The following SETX variants were observed in gnomAD, a reference collection of about 807,000 sequenced individuals.
The protein encoded by SETX is helicase senataxin.
SETX carries 90 observed loss-of-function variants against 227.2 expected under a neutral mutation model. That is an observed-to-expected ratio of 0.40 (90% CI 0.33 to 0.47). The LOEUF (loss-of-function observed/expected upper bound fraction) is 0.47. SETX is among the 20% of genes least tolerant of loss of function. SETX has a pLI of 0.91. For missense variants in SETX, 3,052 were observed against 3,181.5 expected (o/e 0.96, Z 0.98); for synonymous variants, 1,210 against 1,113.2 (o/e 1.09, Z -1.73).
intron 6 of SETX, among the ~76,000 whole-genome samples, chr9:132,335,115 G>C (rs183110967): frequency 6.6e-6 from 1 of 152,070 alleles, no homozygotes; most frequent in Non-Finnish European, 1.5e-5. Flanking sequence ...TTGAGGCCGG[G>C]CGTGGTGGCT....
At chr9:132,348,352 G>T (rs1189062371) in intron 3 of SETX, among the ~76,000 whole-genome samples, 1 of 109,250 alleles carries the variant, frequency 9.2e-6, no homozygotes, top group African/African-American at 3.5e-5. Flanking sequence ...AAGAGAGTGA[G>T]ACTCTGTCTC....
chr9:132,333,910 CTT>C (rs974342227), intron 7 of SETX, among the ~76,000 whole-genome samples: 2 of 152,100 alleles, frequency 1.3e-5, no homozygotes, highest in Non-Finnish European at 2.9e-5. Flanking sequence ...TTTTAATTGA[CTT>C]AAATTTATTT....
At chr9:132,276,969 G>T in intron 22 of SETX, 91 bp downstream of exon 22, 2 of 1,087,972 alleles carry the variant, frequency 1.8e-6, no homozygotes, top group Non-Finnish European at 2.8e-6. Flanking sequence ...GCAGAGAGAT[G>T]TGTATAGGAA....
chr9:132,312,187 G>A (rs745835666), intron 10 of SETX, among the ~76,000 whole-genome samples: 4 of 152,156 alleles, frequency 2.6e-5, no homozygotes, highest in Admixed American at 2.0e-4. Flanking sequence ...AGTGCATAAC[G>A]TACTGCTGGA....
rs761031238 is a variant in SETX at position 132,296,900 on chromosome 9, C to G, written c.5936G>C (p.Arg1979Pro). 1 of 1,613,994 alleles carries G rather than the reference C, an allele frequency of 6.2e-7. No homozygotes were observed. The highest frequency in any genetic ancestry group is 1.7e-5 in the Admixed American group (1 of 60,012). ...KSKTIVGLLY[R>P]LLTENQRKGH... ...ACCCATACCTACCTCTGTCAGTAGA[C>G]GATAGAGGAGGCCAACAATAGTTTT... Residue 1979 changes from arginine to proline, a missense_variant, in exon 14 of 26, where the codon CGT becomes CCT. By Grantham distance (103) the Arg-to-Pro change is moderately radical. This residue lies in a region of SETX where 412 missense variants were observed against 589.0 expected (regional missense o/e 0.70). Coordinates refer to ENST00000224140, the MANE Select transcript of SETX (RefSeq NM_015046.7).
intron 4 of SETX, among the ~76,000 whole-genome samples, chr9:132,345,605 G>T (rs1412728350): frequency 6.6e-6 from 1 of 151,638 alleles, no homozygotes. Flanking sequence ...TGAACAAAGA[G>T]GTGAACAGAT....
At chr9:132,288,185 T>C (rs1437029491) in intron 17 of SETX, 51 bp downstream of exon 17, 3 of 1,452,612 alleles carry the variant, frequency 2.1e-6, no homozygotes, top group African/African-American at 2.8e-5. Context: ...CAAAAAAAAC[T>C]TGTTAACTAG....
intron 10 of SETX, among the ~76,000 whole-genome samples, chr9:132,321,388 A>G (rs1669934414): frequency 6.6e-6 from 1 of 151,668 alleles, no homozygotes; most frequent in East Asian, 1.9e-4. Flanking sequence ...TGGGCGCGGT[A>G]GCTCACACCT....
intron 4 of SETX, among the ~76,000 whole-genome samples, chr9:132,345,086 T>C (rs1848210595): frequency 6.6e-6 from 1 of 152,178 alleles, no homozygotes; most frequent in Non-Finnish European, 1.5e-5. Flanking sequence ...TATTCAGCAA[T>C]GTCTGGAGAC....
chr9:132,311,032 T>C (rs1845622917), intron 11 of SETX, among the ~76,000 whole-genome samples: 1 of 152,212 alleles, frequency 6.6e-6, no homozygotes, highest in Non-Finnish European at 1.5e-5. Flanking sequence ...AGTGGCGCTA[T>C]TTCGGCTCAC....
chr9:132,345,350 T>G (rs1393599194), intron 4 of SETX, among the ~76,000 whole-genome samples: 1 of 152,238 alleles, frequency 6.6e-6, no homozygotes, highest in East Asian at 1.9e-4. Context: ...CTTGGTTCAC[T>G]GCAACCTCCG....
chr9:132,353,389 A>G (rs1347255743), intron 2 of SETX, among the ~76,000 whole-genome samples: 2 of 152,140 alleles, frequency 1.3e-5, no homozygotes, highest in Admixed American at 6.5e-5. Context: ...AAAAAAAAGT[A>G]GAAAAGATCC....
At chr9:132,299,235 A>G in intron 12 of SETX, among the ~76,000 whole-genome samples, 1 of 152,254 alleles carries the variant, frequency 6.6e-6, no homozygotes, top group East Asian at 1.9e-4. Context: ...AAGATGGGAA[A>G]GAATGAAGGA....
rs1846840392 is a variant in SETX, at chr9:132,327,047, A to G, written c.4551T>C (p.Tyr1517=). 6.2e-7 allele frequency: 1 copy of G among 1,614,204 alleles called. No homozygotes were observed. Among genetic ancestry groups the G allele is most frequent in the East Asian group, 2.2e-5 (1 of 44,886 alleles). ...TTCCATGAATTAGTTCAATGAGTTTATAATTGTCATTCTCCATTTGTGAAC... is the reference window on the plus strand; with the variant it reads ...TTCCATGAATTAGTTCAATGAGTTTGTAATTGTCATTCTCCATTTGTGAAC... ...DLCSQMENDN[Y]KLIELIHGKD... Residue 1517 remains tyrosine (Y), a synonymous_variant, in exon 10 of 26, where the codon TAT becomes TAC. Transcript: ENST00000224140.
At chr9:132,270,899 A>G (rs1425488157) in intron 24 of SETX, among the ~76,000 whole-genome samples, 1 of 152,218 alleles carries the variant, frequency 6.6e-6, no homozygotes, top group Non-Finnish European at 1.5e-5. Context: ...TGACCCTGAG[A>G]TACAACTGGG....
intron 6 of SETX, 77 bp from the exon 7 acceptor site, chr9:132,334,804 A>G: frequency 6.6e-7 from 1 of 1,505,224 alleles, no homozygotes; most frequent in South Asian, 1.1e-5. Context: ...GCAAAAGAAT[A>G]ACAAGGCAGG....
chr9:132,303,355 A>T (rs1845132933), intron 11 of SETX, among the ~76,000 whole-genome samples: 1 of 151,628 alleles, frequency 6.6e-6, no homozygotes, highest in Non-Finnish European at 1.5e-5. Flanking sequence ...AAAAAAAAAA[A>T]ACCCTTAATC....
Position 132,342,933 on chromosome 9 carries a change from C to A in SETX, c.389-134G>T, listed in dbSNP as rs550856513. ...TTTTCCAAATTGAGGCATAAAAATG[C>A]TTATATTGTAAATGCAGGAACAATA... On this transcript the variant is annotated intron_variant, in intron 4 of 25. Coordinates refer to ENST00000224140, the MANE Select transcript of SETX (RefSeq NM_015046.7). The A allele has an allele frequency of 1.7e-5, 12 of 698,130 alleles. No individual in the cohort carries two copies. The East Asian group carries it at 3.2e-4, about 19-fold the overall frequency. 43.2% of individuals were successfully genotyped at this position (698,130 alleles called of 1,614,324 possible).
intron 7 of SETX, 79 bp downstream of exon 7, chr9:132,334,529 T>C: frequency 6.7e-7 from 1 of 1,488,046 alleles, no homozygotes; most frequent in African/African-American, 1.4e-5. Flanking sequence ...CATACACCAA[T>C]TCCTGCAGTG....
Sources: allele counts gnomAD v4.1 joint callset (sites outside exome capture counted in the v4.1 genomes callset), GRCh38; gene constraint gnomAD v4.1.1; regional missense constraint gnomAD v4.1.1; transcripts MANE v1.5; gene names NCBI Gene and HGNC (gene_info 2026-07-23, HGNC 2026-07-21).